CXADR: variants seen among roughly 807,000 people sequenced by gnomAD.
The protein encoded by CXADR is CXADR cell adhesion molecule, also known as coxsackievirus and adenovirus receptor.
In CXADR, 20 loss-of-function variants were observed where a neutral mutation model predicts 40.3. That is an observed-to-expected ratio of 0.50 (90% CI 0.35 to 0.72). CXADR has a LOEUF of 0.72. Ranked by LOEUF, CXADR falls within the 30% of genes least tolerant of loss-of-function variation. CXADR has a pLI of 0.01. For synonymous variants in CXADR, 150 were observed against 161.3 expected, an observed-to-expected ratio of 0.93 and a Z score of 0.53; for missense variants, 332 against 449.1, an observed-to-expected ratio of 0.74 and a Z score of 2.36.
intron 3 of CXADR, among the ~76,000 whole-genome samples, chr21:17,557,963 G>T (rs1319895560): frequency 6.6e-6 from 1 of 152,164 alleles, no homozygotes; most frequent in Non-Finnish European, 1.5e-5. Context: ...TTAAAGTTCA[G>T]CAGAAGAGTA....
intron 4 of CXADR, 30 bp from the exon 5 acceptor site, chr21:17,560,672 G>A (rs772945767): frequency 6.3e-7 from 1 of 1,596,070 alleles, no homozygotes; most frequent in East Asian, 2.2e-5. Flanking sequence ...CTATAAAAAT[G>A]AGTTTGTTTT....
chr21:17,567,981 C>G lies in CXADR; in HGVS notation c.*2289C>G. 1 of 984,750 alleles carries G rather than the reference C, an allele frequency of 1.0e-6. No individual in the cohort carries two copies. Among genetic ancestry groups the G allele is most frequent in the South Asian group, 4.7e-5 (1 of 21,268 alleles). The allele number at this position is 984,750 out of a possible 1,614,324, so 61.0% of individuals were successfully genotyped here. A position where few individuals can be genotyped will look rare whatever the true frequency, so the allele number is the denominator to read the frequency against. ...TAAAATTCTGTCAGCCAAATAGTAC[C>G]AATACGTTTTCAAGTAGTTCTCACT... On this transcript the variant is annotated 3_prime_UTR_variant, in exon 7 of 7. Transcript: ENST00000284878.
chr21:17,518,993 T>G (rs893856256), intron 1 of CXADR: 86 of 1,608,032 alleles, frequency 5.3e-5, no homozygotes, highest in East Asian at 8.9e-5. Flanking sequence ...TCTTGATTCA[T>G]GCTGTTGGTA....
intron 1 of CXADR, among the ~76,000 whole-genome samples, chr21:17,522,394 C>T (rs1413640699): frequency 6.6e-6 from 1 of 152,046 alleles, no homozygotes; most frequent in Non-Finnish European, 1.5e-5. Context: ...GTGATCCGCC[C>T]GCCTCGGCCT....
downstream of CXADR, chr21:17,594,067 T>C (rs1278068823): frequency 3.1e-6 from 5 of 1,606,148 alleles, no homozygotes; most frequent in Non-Finnish European, 4.3e-6. Context: ...TTTCTCAACA[T>C]GACACCAACA....
At chr21:17,571,378 G>A, downstream of CXADR, among the ~76,000 whole-genome samples, 1 of 152,152 alleles carries the variant, frequency 6.6e-6, no homozygotes, top group East Asian at 1.9e-4. Flanking sequence ...AGACTTTCAA[G>A]GAATCGAGAT....
chr21:17,551,046 G>C (rs1601003611), intron 2 of CXADR, among the ~76,000 whole-genome samples: 1 of 152,180 alleles, frequency 6.6e-6, no homozygotes, highest in South Asian at 2.1e-4. Flanking sequence ...GTAGGTACTT[G>C]ATTTTGTTAC....
intron 1 of CXADR, chr21:17,530,527 G>T (rs568742653): frequency 7.2e-5 from 31 of 429,096 alleles, no homozygotes; most frequent in African/African-American, 3.7e-4. Flanking sequence ...AATAACTACT[G>T]TGAAGGCCGG....
At position 17,567,047 on chromosome 21, in the gene CXADR, G is replaced by A. The variant is rs1354019384; in HGVS notation, c.*1355G>A. On this transcript the variant is annotated 3_prime_UTR_variant, in exon 7 of 7. Transcript: ENST00000284878. ...CTAAATATCATTTTAGGAGAAGAAA[G>A]TGGGTTTATTGTATTTCCCTTAAGA... 2.0e-6 allele frequency: 2 copies of A among 983,478 alleles called. No homozygotes were observed. Among genetic ancestry groups the A allele is most frequent in the African/African-American group, 3.5e-5 (2 of 57,194 alleles). 60.9% of individuals were successfully genotyped at this position (983,478 alleles called of 1,614,324 possible).
At position 17,513,097 on chromosome 21, in the gene CXADR, C is replaced by T. The variant is rs2060410833; in HGVS notation, c.-33C>T. On this transcript the variant is annotated 5_prime_UTR_variant, in exon 1 of 7. Coordinates refer to ENST00000284878, the MANE Select transcript of CXADR (RefSeq NM_001338.5). The stretch of plus-strand genomic sequence containing the variant: ...TGGGACCAGGAGCGAGAGCCGCCTA[C>T]CTGCAGCCGCCGCCCACGGCACGGC... The T allele has an allele frequency of 7.4e-7, 1 of 1,344,802 alleles. No individual in the cohort carries two copies. Among genetic ancestry groups the T allele is most frequent in the African/African-American group, 1.5e-5 (1 of 65,184 alleles). 83.3% of individuals were successfully genotyped at this position (1,344,802 alleles called of 1,614,324 possible).
At chr21:17,535,187 G>A (rs976814368) in intron 1 of CXADR, among the ~76,000 whole-genome samples, 2 of 152,152 alleles carry the variant, frequency 1.3e-5, no homozygotes, top group African/African-American at 4.8e-5. Flanking sequence ...GAGGGCAGAG[G>A]CGCAGTCATG....
chr21:17,609,021 A>G, the CXADR span: 1 of 1,613,524 alleles, frequency 6.2e-7, no homozygotes, highest in Non-Finnish European at 8.5e-7. Context: ...TGATTTTTAT[A>G]TTTTTCTTGA....
the CXADR span, among the ~76,000 whole-genome samples, chr21:17,615,097 G>A: frequency 1.3e-5 from 2 of 152,184 alleles, no homozygotes; most frequent in African/African-American, 4.8e-5. Flanking sequence ...GGGCCTTTGG[G>A]AGACACTTAG....
intron 1 of CXADR, among the ~76,000 whole-genome samples, chr21:17,527,451 G>A (rs1365440042): frequency 6.6e-6 from 1 of 152,162 alleles, no homozygotes; most frequent in South Asian, 2.1e-4. Flanking sequence ...CTCAATTCTT[G>A]TGGAAGTTTG....
At chr21:17,516,982 A>C (rs1212143243) in intron 1 of CXADR, among the ~76,000 whole-genome samples, 2 of 152,180 alleles carry the variant, frequency 1.3e-5, no homozygotes, top group Admixed American at 6.5e-5. Context: ...CAAATTTATA[A>C]AATAAATTGA....
chr21:17,599,978 A>C, the CXADR span, among the ~76,000 whole-genome samples: 1 of 152,226 alleles, frequency 6.6e-6, no homozygotes, highest in Non-Finnish European at 1.5e-5. Context: ...GTTTTGCTTA[A>C]ATTATATTGC....
chr21:17,587,258 A>G (rs2061404066), intron 7 of CXADR, among the ~76,000 whole-genome samples: 1 of 152,156 alleles, frequency 6.6e-6, no homozygotes, highest in African/African-American at 2.4e-5. Context: ...ATACCCAGTA[A>G]TGGGATGGCT....
chr21:17,632,901 G>T, the CXADR span, among the ~76,000 whole-genome samples: 1 of 152,006 alleles, frequency 6.6e-6, no homozygotes, highest in African/African-American at 2.4e-5. Context: ...GAAGAGAAGG[G>T]TGTGAAGGGT....
At position 17,519,832 on chromosome 21, in the gene CXADR, G is replaced by T. The variant is rs1036172118; in HGVS notation, c.43+6660G>T. Among the ~76,000 whole-genome samples, 4 of 152,046 alleles carry T rather than the reference G, an allele frequency of 2.6e-5. No homozygotes were observed. In the South Asian group the frequency reaches 8.3e-4, roughly 32 times the overall value. On this transcript the variant is annotated intron_variant, in intron 1 of 6. Transcript: ENST00000284878. ...AAATTAGCCAGGTGTGGTGATGTGC[G>T]TCTGTAATCCCAGCTACTCAGGAGG...
Sources: gnomAD v4.1 joint callset for allele counts (sites outside exome capture counted in the v4.1 genomes callset) on GRCh38, gnomAD v4.1.1 for gene constraint, MANE v1.5 for transcripts, NCBI Gene and HGNC (gene_info 2026-07-23, HGNC 2026-07-21) for gene names.